Variants in SHANK2 observed in about 807,000 individuals in gnomAD.
SHANK2 encodes SH3 and multiple ankyrin repeat domains 2, also known as SH3 and multiple ankyrin repeat domains protein 2.
SHANK2 carries 43 observed loss-of-function variants against 133.7 expected under a neutral mutation model. The ratio of observed to expected loss-of-function variants is 0.32; its 90% CI spans 0.25 to 0.41. The LOEUF (loss-of-function observed/expected upper bound fraction) is 0.41, where lower values mean the gene tolerates loss of function less well. Ranked by LOEUF, SHANK2 falls within the 10% of genes least tolerant of loss-of-function variation. The pLI is 1.00. For synonymous variants in SHANK2, 1,017 were observed against 952.8 expected (o/e 1.07, Z -1.24); for missense variants, 1,994 against 2,235.8 (o/e 0.89, Z 2.18).
intron 14 of SHANK2, among the ~76,000 whole-genome samples, chr11:70,713,777 G>A (rs1370637852): frequency 4.6e-5 from 7 of 152,176 alleles, no homozygotes; most frequent in Admixed American, 1.3e-4. Context: ...ATGCCTTGCC[G>A]TGTGCCACAC....
chr11:70,679,619 G>A (rs1408005068), intron 15 of SHANK2, among the ~76,000 whole-genome samples: 4 of 152,262 alleles, frequency 2.6e-5, no homozygotes, highest in African/African-American at 9.6e-5. Context: ...TCCTGCCGAG[G>A]AACAGAGGGC....
rs781945056 is a variant in SHANK2, at chr11:70,740,341, G to A, written c.1778-41578C>T. ...CAACCCATGAGAAGGGCTCCCTCTG[G>A]GGATAGAAACACTGTATGTGTTCGA... On this transcript the variant is annotated intron_variant, in intron 14 of 25. Coordinates refer to ENST00000601538, the MANE Select transcript of SHANK2 (RefSeq NM_012309.5). 3.9e-5 allele frequency among the ~76,000 whole-genome samples: 6 copies of A among 152,172 alleles called. No homozygotes were observed. In the South Asian group the frequency reaches 8.3e-4, roughly 21 times the overall value.
intron 10 of SHANK2, among the ~76,000 whole-genome samples, chr11:70,903,663 C>A (rs1555077332): frequency 6.6e-6 from 1 of 152,158 alleles, no homozygotes; most frequent in East Asian, 1.9e-4. Context: ...GGTTCAGACC[C>A]CTGCCACATA....
chr11:70,629,745 T>A (rs2060957322), intron 17 of SHANK2, among the ~76,000 whole-genome samples: 1 of 152,154 alleles, frequency 6.6e-6, no homozygotes, highest in Non-Finnish European at 1.5e-5. Context: ...AGCTGGATGA[T>A]CCTGGTGCCC....
At chr11:70,943,917 GA>G (rs1454026406) in intron 10 of SHANK2, 1 of 456,336 alleles carries the variant, frequency 2.2e-6, no homozygotes, top group African/African-American at 2.0e-5. Context: ...CATCCGTCTT[GA>G]TTTCCTTCTG....
chr11:71,153,510 T>C (rs72959509), intron 2 of SHANK2, among the ~76,000 whole-genome samples: 31,147 of 152,180 alleles, frequency 0.2, 3,395 homozygotes, highest in South Asian at 0.29. Flanking sequence ...GTACCTCTGA[T>C]GAAAAGGTAG....
intron 10 of SHANK2, among the ~76,000 whole-genome samples, chr11:70,953,745 C>A (rs997379997): frequency 6.6e-6 from 1 of 152,312 alleles, no homozygotes; most frequent in East Asian, 1.9e-4. Context: ...CCTTCTCTGG[C>A]GACACCCTCA....
chr11:70,857,273 C>A (rs1364319999), intron 11 of SHANK2, among the ~76,000 whole-genome samples: 2 of 152,156 alleles, frequency 1.3e-5, no homozygotes, highest in African/African-American at 4.8e-5. Context: ...GCAAGTAGCA[C>A]CCACAAAGGG....
At position 70,732,547 on chromosome 11, in the gene SHANK2, C is replaced by T. The variant is rs1005225030; in HGVS notation, c.1778-33784G>A. ...CCAGCCTCACTGAGCTGGGCTCAGC[C>T]TATGTGACCACACCTCCCCGACCCT... On this transcript the variant is annotated intron_variant, in intron 14 of 25. Coordinates refer to ENST00000601538, the MANE Select transcript of SHANK2 (RefSeq NM_012309.5). Among the ~76,000 whole-genome samples, 3 of 152,254 alleles carry T rather than the reference C, an allele frequency of 2.0e-5. No homozygotes were observed. In the South Asian group the frequency reaches 6.2e-4, roughly 31 times the overall value.
At chr11:70,887,456 C>T (rs929336389) in intron 11 of SHANK2, among the ~76,000 whole-genome samples, 1 of 151,926 alleles carries the variant, frequency 6.6e-6, no homozygotes, top group Admixed American at 6.6e-5. Flanking sequence ...GAACAGAACG[C>T]TTCGCGGCAG....
chr11:70,928,289 G>A (rs1555081963), intron 10 of SHANK2, among the ~76,000 whole-genome samples: 1 of 152,112 alleles, frequency 6.6e-6, no homozygotes, highest in East Asian at 1.9e-4. Context: ...GGAAAGAAAG[G>A]CTTGTATGCT....
intron 5 of SHANK2, among the ~76,000 whole-genome samples, chr11:71,112,421 A>C (rs1484097142): frequency 6.6e-6 from 1 of 152,178 alleles, no homozygotes; most frequent in Non-Finnish European, 1.5e-5. Flanking sequence ...CCTTGCATGC[A>C]TCTGATATAA....
At chr11:70,798,899 C>G (rs932850282) in intron 13 of SHANK2, among the ~76,000 whole-genome samples, 1 of 152,084 alleles carries the variant, frequency 6.6e-6, no homozygotes, top group Non-Finnish European at 1.5e-5. Flanking sequence ...TGAGACAGGA[C>G]AGTGGTGCTT....
intron 14 of SHANK2, among the ~76,000 whole-genome samples, chr11:70,718,169 C>A (rs1196930152): frequency 2.0e-5 from 3 of 152,202 alleles, no homozygotes; most frequent in Non-Finnish European, 2.9e-5. Context: ...AGTGATTCAA[C>A]CCGGCTATTA....
intron 2 of SHANK2, among the ~76,000 whole-genome samples, chr11:71,157,505 G>A (rs1271950522): frequency 1.3e-5 from 2 of 152,106 alleles, no homozygotes; most frequent in Non-Finnish European, 2.9e-5. Flanking sequence ...CACCACTAAT[G>A]TGGTCTGCAC....
chr11:70,672,060 C>CTTTTTTTTTTT (rs201865483), intron 15 of SHANK2, among the ~76,000 whole-genome samples: 2 of 120,936 alleles, frequency 1.7e-5, no homozygotes, highest in Non-Finnish European at 1.8e-5. Flanking sequence ...CTTTTCTTTT[C>CTTTTTTTTTTT]TTTTTCTTTT....
Position 70,473,783 on chromosome 11 carries a change from G to C in SHANK2, c.4980-344C>G. 2.6e-6 allele frequency: 1 copy of C among 387,606 alleles called. No individual in the cohort carries two copies. The highest frequency in any genetic ancestry group is 6.2e-5 in the East Asian group (1 of 16,112). The allele number at this position is 387,606 out of a possible 1,614,324, so 24.0% of individuals were successfully genotyped here. A position where few individuals can be genotyped will look rare whatever the true frequency, so the allele number is the denominator to read the frequency against. ...GGGGACCTGCCTGTGCTGGGGGGCA[G>C]GGCCGGGGGACCCTCGGGAGGGTGG... On this transcript the variant is annotated intron_variant, in intron 25 of 25. Transcript: ENST00000601538. The surrounding 1 kb of genome is among the most constrained non-coding windows in gnomAD (Gnocchi z 5.9).
intron 11 of SHANK2, among the ~76,000 whole-genome samples, chr11:70,892,553 G>A (rs1164788426): frequency 6.6e-6 from 1 of 152,192 alleles, no homozygotes; most frequent in East Asian, 1.9e-4. Flanking sequence ...AGCATGTGGT[G>A]GTTGAAAGGA....
chr11:71,061,716 G>A (rs1271702669), intron 9 of SHANK2, among the ~76,000 whole-genome samples: 2 of 152,156 alleles, frequency 1.3e-5, no homozygotes, highest in Non-Finnish European at 2.9e-5. Flanking sequence ...GTGTCACCGG[G>A]AACCTGGGAA....
Sources: gnomAD v4.1 joint callset for allele counts (sites outside exome capture counted in the v4.1 genomes callset) on GRCh38, gnomAD v4.1.1 for gene constraint, Gnocchi (gnomAD v3.1) non-coding constraint, MANE v1.5 for transcripts, NCBI Gene and HGNC (gene_info 2026-07-23, HGNC 2026-07-21) for gene names.